XPO1: variants seen among roughly 807,000 people sequenced by gnomAD.
XPO1 encodes the protein exportin 1, also known as exportin-1.
XPO1 carries 5 observed loss-of-function variants against 133.3 expected under a neutral mutation model. The observed-to-expected ratio is 0.04, with a 90% CI of 0.02 to 0.08. The LOEUF (loss-of-function observed/expected upper bound fraction) is 0.08. Among genes scored for constraint, XPO1 ranks in the 10% least tolerant of loss-of-function variants. XPO1 has a pLI of 1.00. For missense variants in XPO1, 506 were observed against 1,267.5 expected, an observed-to-expected ratio of 0.40 and a Z score of 9.12; for synonymous variants, 419 against 408.2, an observed-to-expected ratio of 1.03 and a Z score of -0.32.
chr2:61,525,020 A>C lies in XPO1; in HGVS notation c.228+1400T>G, dbSNP rs560443189. On this transcript the variant is annotated intron_variant, in intron 3 of 24. Transcript: ENST00000401558. The stretch of plus-strand genomic sequence containing the variant: ...AAATCACTACAATCCAAACATTCTG[A>C]AGAATTATACTTTTGCCTTACATCT... 2.6e-3 allele frequency among the ~76,000 whole-genome samples: 395 copies of C among 152,226 alleles called. 1 individual carries two copies. Among genetic ancestry groups the C allele is most frequent in the African/African-American group, 9.3e-3 (387 of 41,536 alleles).
chr2:61,505,932 A>C (rs777547924), intron 4 of XPO1, among the ~76,000 whole-genome samples: 10 of 152,160 alleles, frequency 6.6e-5, no homozygotes, highest in Non-Finnish European at 1.5e-4. Flanking sequence ...ATCTAATCAA[A>C]AATTCCGATA....
rs562840988 is a variant in XPO1, at chr2:61,524,920, G to T, written c.228+1500C>A. 8.6e-5 allele frequency among the ~76,000 whole-genome samples: 13 copies of T among 151,966 alleles called. No homozygotes were observed. The South Asian group carries it at 1.5e-3, about 17-fold the overall frequency. On this transcript the variant is annotated intron_variant, in intron 3 of 24. Transcript: ENST00000401558. ...GCAACAGAGGTCCTGTCTCTTCAAA[G>T]AATTTTTTTTCTTTTTTTTTTTAGT...
intron 2 of XPO1, among the ~76,000 whole-genome samples, chr2:61,526,864 C>G (rs1698927538): frequency 6.6e-6 from 1 of 152,052 alleles, no homozygotes; most frequent in Non-Finnish European, 1.5e-5. Context: ...GGTGCCACCA[C>G]AGCCAGCTAA....
chr2:61,482,585 A>G (rs369800893), intron 22 of XPO1, 46 bp from the exon 23 acceptor site: 3 of 1,442,234 alleles, frequency 2.1e-6, no homozygotes, highest in African/African-American at 3.0e-5. Context: ...TAATATAACT[A>G]TAGATCTTAG....
chr2:61,500,029 G>T, intron 6 of XPO1, 135 bp from the exon 7 acceptor site: 1 of 880,884 alleles, frequency 1.1e-6, no homozygotes, highest in Non-Finnish European at 1.7e-6. Flanking sequence ...TTTATTAAAG[G>T]AAGAAATGTG....
chr2:61,521,766 T>C (rs1698701957), intron 4 of XPO1, among the ~76,000 whole-genome samples: 3 of 151,952 alleles, frequency 2.0e-5, no homozygotes. Flanking sequence ...GTTGTTGTTC[T>C]TGTTTTTTGA....
At chr2:61,504,575 T>C (rs1697703226) in intron 4 of XPO1, among the ~76,000 whole-genome samples, 2 of 152,188 alleles carry the variant, frequency 1.3e-5, no homozygotes, top group Non-Finnish European at 2.9e-5. Context: ...GAAAAGCAGT[T>C]AAAGGTTGTA....
At chr2:61,506,404 C>T (rs1232494343) in intron 4 of XPO1, among the ~76,000 whole-genome samples, 1 of 152,086 alleles carries the variant, frequency 6.6e-6, no homozygotes, top group East Asian at 1.9e-4. Context: ...GCCTGGGTGA[C>T]AGAGCAAGAC....
At position 61,488,158 on chromosome 2, in the gene XPO1, C is replaced by T. The variant is rs2104380702; in HGVS notation, c.2313+7G>A. ...TAGAAATCAAAAGCAAAGCATCTCT[C>T]ACTTACCATCTGTGGATCATTGGAT... On this transcript the variant is annotated splice_region_variant and intron_variant, in intron 19 of 24. Coordinates refer to ENST00000401558, the MANE Select transcript of XPO1 (RefSeq NM_003400.4). 6.2e-7 allele frequency: 1 copy of T among 1,612,122 alleles called. No individual in the cohort carries two copies. The highest frequency in any genetic ancestry group is 1.1e-5 in the South Asian group (1 of 91,024).
chr2:61,478,631 CA>C lies in XPO1; in HGVS notation c.*188del, dbSNP rs1426397675. 3.4e-6 allele frequency: 2 copies of C among 586,324 alleles called. No individual in the cohort carries two copies. Among genetic ancestry groups the C allele is most frequent in the Non-Finnish European group, 5.4e-6 (2 of 368,374 alleles). The allele number at this position is 586,324 out of a possible 1,614,324, so 36.3% of individuals were successfully genotyped here. On this transcript the variant is annotated 3_prime_UTR_variant, in exon 25 of 25. Transcript: ENST00000401558. ...TTCATGCAAACTAAATAAAGATGAC[CA>C]AAACAAAAGCTTAAACAATGGAAGG...
chr2:61,535,852 G>A (rs1374869886), intron 1 of XPO1, among the ~76,000 whole-genome samples: 1 of 152,174 alleles, frequency 6.6e-6, no homozygotes, highest in Non-Finnish European at 1.5e-5. Context: ...ACAAATGAAT[G>A]TGTAAACTCT....
At chr2:61,512,790 C>T (rs1698156833) in intron 4 of XPO1, among the ~76,000 whole-genome samples, 1 of 152,176 alleles carries the variant, frequency 6.6e-6, no homozygotes, top group Non-Finnish European at 1.5e-5. Flanking sequence ...CACATAATCC[C>T]AGCACTTTGG....
chr2:61,492,886 G>T lies in XPO1; in HGVS notation c.1384+29C>A, dbSNP rs1427889115. 6.3e-7 allele frequency: 1 copy of T among 1,577,658 alleles called. No homozygotes were observed. Among genetic ancestry groups the T allele is most frequent in the African/African-American group, 1.4e-5 (1 of 73,424 alleles). On this transcript the variant is annotated intron_variant, in intron 13 of 24. Coordinates refer to ENST00000401558, the MANE Select transcript of XPO1 (RefSeq NM_003400.4). This position sits in a 1 kb window ranked among gnomAD's most constrained non-coding sequence, Gnocchi z 5.6. ...TCCACCCCAGAATAGATTTATAAAG[G>T]TAAAGATTAACAGTATTTATTAACT...
At chr2:61,533,469 A>G (rs1202786668) in intron 2 of XPO1, among the ~76,000 whole-genome samples, 2 of 152,236 alleles carry the variant, frequency 1.3e-5, no homozygotes, top group Non-Finnish European at 2.9e-5. Context: ...GAAGAATCGT[A>G]TTAGTGCCAA....
At chr2:61,518,228 G>T (rs1181565985) in intron 4 of XPO1, among the ~76,000 whole-genome samples, 1 of 151,734 alleles carries the variant, frequency 6.6e-6, no homozygotes, top group African/African-American at 2.4e-5. Flanking sequence ...ACTCCAGCCT[G>T]AGCAACAGAG....
rs144359157 is a variant in XPO1, at chr2:61,482,637, G to A, written c.2813-98C>T. On this transcript the variant is annotated intron_variant, in intron 22 of 24. Transcript: ENST00000401558. ...GTTTTTTTTTTTTAGACGGAGTCTCGCTCTGTCACCCAAGCTGGAATGCCG... is the reference window on the plus strand; with the variant it reads ...GTTTTTTTTTTTTAGACGGAGTCTCACTCTGTCACCCAAGCTGGAATGCCG... The A allele has an allele frequency of 1.3e-4, 150 of 1,129,296 alleles. 1 individual carries two copies. The South Asian group carries it at 1.4e-3, about 10-fold the overall frequency. The allele number at this position is 1,129,296 out of a possible 1,614,324, so 70.0% of individuals were successfully genotyped here.
At chr2:61,500,534 A>G (rs554069694) in intron 6 of XPO1, among the ~76,000 whole-genome samples, 1 of 137,100 alleles carries the variant, frequency 7.3e-6, no homozygotes, top group Non-Finnish European at 1.5e-5. Context: ...AGCCGAGACC[A>G]GGCCACTGCA....
At chr2:61,497,510 C>G (rs1007168259) in intron 9 of XPO1, among the ~76,000 whole-genome samples, 2 of 152,214 alleles carry the variant, frequency 1.3e-5, no homozygotes, top group Non-Finnish European at 2.9e-5. Flanking sequence ...AGCGCCCGGC[C>G]TAAACTGCTT....
intron 4 of XPO1, among the ~76,000 whole-genome samples, chr2:61,514,636 A>C (rs530479023): frequency 1.3e-5 from 2 of 151,766 alleles, no homozygotes; most frequent in South Asian, 4.2e-4. Context: ...CCACCATGAG[A>C]TGCTATTGTA....
Sources: gnomAD v4.1 joint callset for allele counts (sites outside exome capture counted in the v4.1 genomes callset) on GRCh38, gnomAD v4.1.1 for gene constraint, Gnocchi (gnomAD v3.1) non-coding constraint, MANE v1.5 for transcripts, NCBI Gene and HGNC (gene_info 2026-07-23, HGNC 2026-07-21) for gene names.